Variants in DGAT2 observed in about 807,000 individuals in gnomAD.
DGAT2 encodes the protein diacylglycerol O-acyltransferase 2.
Under a neutral mutation model 48.4 loss-of-function variants are expected in DGAT2, and 33 were observed. The observed-to-expected ratio is 0.68, with a 90% CI of 0.52 to 0.91. The LOEUF (loss-of-function observed/expected upper bound fraction) is 0.91. DGAT2 is among the 40% of genes least tolerant of loss of function. DGAT2 has a pLI of 0.00. For missense variants in DGAT2, 446 were observed against 493.7 expected, an observed-to-expected ratio of 0.90 and a Z score of 0.92; for synonymous variants, 191 against 194.1, an observed-to-expected ratio of 0.98 and a Z score of 0.13.
At chr11:75,770,921 A>C (rs1942158755) in intron 1 of DGAT2, among the ~76,000 whole-genome samples, 1 of 152,040 alleles carries the variant, frequency 6.6e-6, no homozygotes, top group African/African-American at 2.4e-5. Context: ...TGGGTGGAGT[A>C]GGGGAGGGCA....
In DGAT2 at chr11:75,800,470, T is replaced by A. The variant is rs1455181597; in HGVS notation, c.1129T>A (p.Phe377Ile). Residue 377 changes from phenylalanine (F) to isoleucine (I), a missense_variant, in exon 8 of 8, where the codon TTC becomes ATC. Transcript: ENST00000228027. ...GCTCTTCGACAAGCACAAGACCAAG[T>A]TCGGCCTCCCGGAGACTGAGGTCCT... ...VKLFDKHKTK[F>I]GLPETEVLEV... 1 of 1,614,168 alleles carries A rather than the reference T, an allele frequency of 6.2e-7. No homozygotes were observed. Among genetic ancestry groups the A allele is most frequent in the Admixed American group, 1.7e-5 (1 of 60,022 alleles).
intron 1 of DGAT2, among the ~76,000 whole-genome samples, chr11:75,781,940 G>A (rs1418896671): frequency 6.6e-6 from 1 of 152,076 alleles, no homozygotes; most frequent in Non-Finnish European, 1.5e-5. Flanking sequence ...GAATTTTTAG[G>A]TCTTCTCAGT....
intron 1 of DGAT2, among the ~76,000 whole-genome samples, chr11:75,779,895 G>T (rs1247868724): frequency 2.0e-5 from 3 of 152,192 alleles, no homozygotes; most frequent in Admixed American, 1.3e-4. Flanking sequence ...GTCTAACTTG[G>T]GCATCCAGGC....
chr11:75,797,175 CG>C lies in DGAT2; in HGVS notation c.655del (p.Asp219ThrfsTer3). On this transcript the variant is annotated frameshift_variant, in exon 6 of 8. Transcript: ENST00000228027. LOFTEE classifies it high-confidence loss of function. ...CCCCTCAGGTATCTGCCCTGTCAGC[CG>C]GGACACCATAGACTATTTGCTTTCA... is the stretch of plus-strand genomic sequence containing the variant. Reference protein sequence around the residue: ...LMSGGICPVSRDTIDYLLSKN... With the variant: ...LMSGGICPVSXDTIDYLLSKN... 6.7e-7 allele frequency: 1 copy of C among 1,498,704 alleles called. No homozygotes were observed. Among genetic ancestry groups the C allele is most frequent in the Non-Finnish European group, 8.9e-7 (1 of 1,117,360 alleles). 92.8% of individuals were successfully genotyped at this position (1,498,704 alleles called of 1,614,324 possible).
In DGAT2 at chr11:75,801,514, TAAATG is replaced by T. The variant is rs1945112545; in HGVS notation, c.*1010_*1014del. On this transcript the variant is annotated 3_prime_UTR_variant, in exon 8 of 8. Coordinates refer to ENST00000228027, the MANE Select transcript of DGAT2 (RefSeq NM_032564.5). ...CAGACTTTTGTATATGCCTTGAAAA[TAAATG>T]AAAGTGAGAATCCTCTATGAGTTAT... 1 of 152,514 alleles carries T rather than the reference TAAATG, an allele frequency of 6.6e-6. No individual in the cohort carries two copies. The allele number at this position is 152,514 out of a possible 1,614,324, so 9.4% of individuals were successfully genotyped here.
At position 75,796,344 on chromosome 11, in the gene DGAT2, A is replaced by G. The variant is rs1945052670; in HGVS notation, c.446A>G (p.Asn149Ser). Residue 149 changes from asparagine (N) to serine (S), a missense_variant, in exon 5 of 8, where the codon AAC becomes AGC. Transcript: ENST00000228027. ...TCCTTGCAGCTGGTGAAGACACACAACCTGCTGACCACCAGGAACTATATC... is the reference window on the plus strand; with the variant it reads ...TCCTTGCAGCTGGTGAAGACACACAGCCTGCTGACCACCAGGAACTATATC... ...YFPIQLVKTH[N>S]LLTTRNYIFG... The G allele has an allele frequency of 1.2e-6, 2 of 1,613,942 alleles. No individual in the cohort carries two copies. Among genetic ancestry groups the G allele is most frequent in the East Asian group, 2.2e-5 (1 of 44,866 alleles).
chr11:75,768,796 G>T lies in DGAT2; in HGVS notation c.-196G>T. 1 of 574,586 alleles carries T rather than the reference G, an allele frequency of 1.7e-6. No homozygotes were observed. Among genetic ancestry groups the T allele is most frequent in the Non-Finnish European group, 2.6e-6 (1 of 379,278 alleles). The allele number at this position is 574,586 out of a possible 1,614,324, so 35.6% of individuals were successfully genotyped here. On this transcript the variant is annotated 5_prime_UTR_variant, in exon 1 of 8. Coordinates refer to ENST00000228027, the MANE Select transcript of DGAT2 (RefSeq NM_032564.5). Reference sequence around the variant, plus strand: ...CGCCAGCGCCGCGGCTGCCGCCTCTGCTGGGGTCTAGGCTGTTTCTCTCGC... The same window carrying T: ...CGCCAGCGCCGCGGCTGCCGCCTCTTCTGGGGTCTAGGCTGTTTCTCTCGC...
rs1232941733 is a variant in DGAT2 at position 75,769,027 on chromosome 11, G to T, written c.36G>T (p.Leu12=). Residue 12 remains leucine (L), a synonymous_variant, in exon 1 of 8, where the codon CTG becomes CTT. Coordinates refer to ENST00000228027, the MANE Select transcript of DGAT2 (RefSeq NM_032564.5). ...TCATAGCCGCCTACTCCGGGGTCCTGCGCGGCGAGCGTCAGGCCGAGGCTG... is the reference window on the plus strand; with the variant it reads ...TCATAGCCGCCTACTCCGGGGTCCTTCGCGGCGAGCGTCAGGCCGAGGCTG... The part of the protein sequence containing the change: ...KTLIAAYSGV[L]RGERQAEADR... The T allele has an allele frequency of 8.2e-6, 13 of 1,577,144 alleles. No individual in the cohort carries two copies. The highest frequency in any genetic ancestry group is 1.4e-5 in the African/African-American group (1 of 72,010).
chr11:75,800,347 C>T lies in DGAT2; in HGVS notation c.1013-7C>T, dbSNP rs1945097387. On this transcript the variant is annotated splice_polypyrimidine_tract_variant and splice_region_variant and intron_variant, in intron 7 of 7. Coordinates refer to ENST00000228027, the MANE Select transcript of DGAT2 (RefSeq NM_032564.5). ...ACTAACCAGAAGCCTCTGCCCTGTC[C>T]CTGCAGTGGGAGAGCCCATCACCAT... 1 of 1,613,824 alleles carries T rather than the reference C, an allele frequency of 6.2e-7. No individual in the cohort carries two copies. Among genetic ancestry groups the T allele is most frequent in the African/African-American group, 1.3e-5 (1 of 75,052 alleles).
chr11:75,799,889 A>G (rs941115812), intron 7 of DGAT2, among the ~76,000 whole-genome samples: 10 of 152,090 alleles, frequency 6.6e-5, no homozygotes, highest in African/African-American at 2.4e-4. Context: ...CAGTGCTGGA[A>G]TTACAGGCGT....
intron 2 of DGAT2, among the ~76,000 whole-genome samples, chr11:75,788,891 G>A (rs1460462431): frequency 2.0e-5 from 3 of 152,230 alleles, no homozygotes; most frequent in East Asian, 1.9e-4. Flanking sequence ...GAGATGATAT[G>A]TAGATAGTAT....
chr11:75,791,202 TG>T (rs1944985768), intron 4 of DGAT2, among the ~76,000 whole-genome samples: 1 of 152,236 alleles, frequency 6.6e-6, no homozygotes, highest in African/African-American at 2.4e-5. Flanking sequence ...AGCACGTGAA[TG>T]TGAAAGAGTT....
intron 4 of DGAT2, among the ~76,000 whole-genome samples, chr11:75,791,104 G>T (rs1428238470): frequency 6.6e-6 from 1 of 152,236 alleles, no homozygotes; most frequent in East Asian, 1.9e-4. Flanking sequence ...GGAAAGACCT[G>T]TCTGGCCAGC....
At chr11:75,788,762 C>T (rs1944951240) in intron 2 of DGAT2, among the ~76,000 whole-genome samples, 1 of 152,196 alleles carries the variant, frequency 6.6e-6, no homozygotes, top group Non-Finnish European at 1.5e-5. Flanking sequence ...TGGAAAAAGT[C>T]CTAGAAGGAG....
At position 75,779,154 on chromosome 11, in the gene DGAT2, C is replaced by T. The variant is rs151016488; in HGVS notation, c.122-5464C>T. Reference sequence around the variant, plus strand: ...TCACAGACACCCTTCAACACCCCAGCCCTGGGCTGGGCCCTGGGTCTGAGA... The same window carrying T: ...TCACAGACACCCTTCAACACCCCAGTCCTGGGCTGGGCCCTGGGTCTGAGA... On this transcript the variant is annotated intron_variant, in intron 1 of 7. Coordinates refer to ENST00000228027, the MANE Select transcript of DGAT2 (RefSeq NM_032564.5). Among the ~76,000 whole-genome samples the T allele has an allele frequency of 4.4e-3, 668 of 152,270 alleles. 5 individuals are homozygous for T. Among genetic ancestry groups the T allele is most frequent in the East Asian group, 7.7e-3 (40 of 5,164 alleles).
Position 75,784,649 on chromosome 11 carries a change from G to C in DGAT2, c.153G>C (p.Gln51His). 2 of 1,614,104 alleles carry C rather than the reference G, an allele frequency of 1.2e-6. No individual in the cohort carries two copies. Among genetic ancestry groups the C allele is most frequent in the Non-Finnish European group, 1.7e-6 (2 of 1,179,974 alleles). Residue 51 changes from glutamine to histidine, a missense_variant, in exon 2 of 8, where the codon CAG (glutamine) becomes CAC (histidine). By Grantham distance (24) the Gln-to-His change is conservative. Coordinates refer to ENST00000228027, the MANE Select transcript of DGAT2 (RefSeq NM_032564.5). ...GTGSSILSALQDLFSVTWLNR... is the reference protein window; with the variant it reads ...GTGSSILSALHDLFSVTWLNR... ...GATCCAGCATCCTCTCCGCCCTCCA[G>C]GACCTCTTCTCTGTCACCTGGCTCA... is the stretch of plus-strand genomic sequence containing the variant.
chr11:75,792,426 C>G (rs1159180762), intron 4 of DGAT2: 1 of 152,368 alleles, frequency 6.6e-6, no homozygotes, highest in East Asian at 1.9e-4. Flanking sequence ...TCAATCTCCC[C>G]TTCACTTGGC....
At chr11:75,797,767 G>C (rs1409196927) in intron 6 of DGAT2, among the ~76,000 whole-genome samples, 1 of 152,110 alleles carries the variant, frequency 6.6e-6, no homozygotes, top group Admixed American at 6.5e-5. Flanking sequence ...CCAGCCCCTG[G>C]GGACACATTC....
chr11:75,797,086 CCTGA>C (rs984947317), intron 5 of DGAT2, 68 bp from the exon 6 acceptor site: 2 of 1,403,906 alleles, frequency 1.4e-6, no homozygotes, highest in African/African-American at 3.0e-5. Flanking sequence ...ATGTTTTATA[CCTGA>C]CTGTGTGCCG....
Sources: gnomAD v4.1 joint callset for allele counts (sites outside exome capture counted in the v4.1 genomes callset) on GRCh38, gnomAD v4.1.1 for gene constraint, MANE v1.5 for transcripts, NCBI Gene and HGNC (gene_info 2026-07-23, HGNC 2026-07-21) for gene names.